LMX1B: variants seen among roughly 807,000 people sequenced by gnomAD.
LMX1B encodes the protein LIM homeobox transcription factor 1-beta.
A neutral mutation model predicts 51.4 loss-of-function variants in LMX1B; 12 were observed. That is an observed-to-expected ratio of 0.23 (90% CI 0.15 to 0.38). LMX1B has a LOEUF of 0.38. Ranked by LOEUF, LMX1B falls within the 10% of genes least tolerant of loss-of-function variation. LMX1B has a pLI of 1.00. For synonymous variants in LMX1B, 237 were observed against 235.4 expected, an observed-to-expected ratio of 1.01 and a Z score of -0.06; for missense variants, 445 against 571.1, an observed-to-expected ratio of 0.78 and a Z score of 2.25.
intron 2 of LMX1B, among the ~76,000 whole-genome samples, chr9:126,619,018 G>C (rs984073670): frequency 3.3e-5 from 5 of 152,034 alleles, no homozygotes; most frequent in Non-Finnish European, 5.9e-5. Context: ...CGAGCCTCTC[G>C]GCGACACAGA....
At chr9:126,642,919 C>T (rs1193601869) in intron 2 of LMX1B, among the ~76,000 whole-genome samples, 1 of 152,150 alleles carries the variant, frequency 6.6e-6, no homozygotes, top group Non-Finnish European at 1.5e-5. Context: ...TTGGCCTCAC[C>T]CTGTGTCTGG....
chr9:126,627,189 C>T (rs999726749), intron 2 of LMX1B, among the ~76,000 whole-genome samples: 1 of 152,140 alleles, frequency 6.6e-6, no homozygotes, highest in Non-Finnish European at 1.5e-5. Context: ...AGAGACCCCC[C>T]GGTCTCCTCC....
intron 2 of LMX1B, among the ~76,000 whole-genome samples, chr9:126,652,300 G>GGC (rs903828019): frequency 1.3e-5 from 2 of 150,524 alleles, no homozygotes; most frequent in African/African-American, 4.9e-5. Flanking sequence ...AGGAGAAGGG[G>GGC]GGGGGGATTT....
At chr9:126,672,875 G>T (rs140335761) in intron 2 of LMX1B, among the ~76,000 whole-genome samples, 1 of 152,230 alleles carries the variant, frequency 6.6e-6, no homozygotes. Context: ...GGCTTTTATC[G>T]CTTGCTGGCC....
At chr9:126,627,116 G>A (rs1411527822) in intron 2 of LMX1B, among the ~76,000 whole-genome samples, 2 of 152,178 alleles carry the variant, frequency 1.3e-5, no homozygotes, top group Non-Finnish European at 2.9e-5. Context: ...ACCTCACTGG[G>A]CTCAGGAGGA....
intron 2 of LMX1B, 76 bp from the exon 3 acceptor site, chr9:126,690,760 G>A (rs994782924): frequency 7.6e-7 from 1 of 1,315,530 alleles, no homozygotes; most frequent in African/African-American, 1.5e-5. Context: ...TGGCAAGAGG[G>A]AGAGGCCCTC....
chr9:126,679,442 T>C (rs1836631904), intron 2 of LMX1B, among the ~76,000 whole-genome samples: 1 of 148,256 alleles, frequency 6.7e-6, no homozygotes, highest in African/African-American at 2.5e-5. Flanking sequence ...GATGGGTAAG[T>C]GGAAGGATAG....
rs1012584803 is a variant in LMX1B at position 126,693,786 on chromosome 9, A to C, written c.860A>C (p.Gln287Pro). ...CGGCGGCACCAGCAGCAGCAGGAGCAGCAGAACTCCCAGCGGCTGGGCCAG... is the reference window on the plus strand; with the variant it reads ...CGGCGGCACCAGCAGCAGCAGGAGCCGCAGAACTCCCAGCGGCTGGGCCAG... ...LARRHQQQQE[Q>P]QNSQRLGQEV... Residue 287 changes from glutamine (Q) to proline (P), a missense_variant, in exon 6 of 8, where the codon CAG (glutamine) becomes CCG (proline). Around this residue, in one of 3 missense-constraint regions of LMX1B, gnomAD observed 162 missense variants for 187.8 expected, o/e 0.86. Coordinates refer to ENST00000373474, the MANE Select transcript of LMX1B (RefSeq NM_001174147.2). The C allele has an allele frequency of 6.9e-7, 1 of 1,445,882 alleles. No homozygotes were observed. Among genetic ancestry groups the C allele is most frequent in the Non-Finnish European group, 9.4e-7 (1 of 1,058,484 alleles). 89.6% of individuals were successfully genotyped at this position (1,445,882 alleles called of 1,614,324 possible). A position where few individuals can be genotyped will look rare whatever the true frequency, so the allele number is the denominator to read the frequency against.
intron 2 of LMX1B, among the ~76,000 whole-genome samples, chr9:126,637,356 C>T (rs763972213): frequency 2.6e-5 from 4 of 152,250 alleles, no homozygotes; most frequent in Middle Eastern, 3.4e-3. Flanking sequence ...TGAGCCTGCA[C>T]GTCACCCTCT....
rs552078912 is a variant in LMX1B, at chr9:126,679,704, G to C, written c.327-11132G>C. 3.9e-5 allele frequency among the ~76,000 whole-genome samples: 6 copies of C among 152,234 alleles called. No individual in the cohort carries two copies. The South Asian group carries it at 1.0e-3, about 26-fold the overall frequency. ...TCGCCCACACTCCAACCTGACCACTGTCTCCAACCTGACCCACTATCTTCC... is the reference window on the plus strand; with the variant it reads ...TCGCCCACACTCCAACCTGACCACTCTCTCCAACCTGACCCACTATCTTCC... On this transcript the variant is annotated intron_variant, in intron 2 of 7. Coordinates refer to ENST00000373474, the MANE Select transcript of LMX1B (RefSeq NM_001174147.2).
At chr9:126,619,327 G>C (rs1008788133) in intron 2 of LMX1B, among the ~76,000 whole-genome samples, 1 of 152,136 alleles carries the variant, frequency 6.6e-6, no homozygotes, top group Non-Finnish European at 1.5e-5. Context: ...TGTGGCCCAG[G>C]GGGAGAGCAG....
At chr9:126,657,603 C>A (rs772649851) in intron 2 of LMX1B, among the ~76,000 whole-genome samples, 16 of 152,238 alleles carry the variant, frequency 1.1e-4, no homozygotes, top group Non-Finnish European at 2.2e-4. Context: ...ATCCTCACCA[C>A]AGAGCCCTTG....
At chr9:126,690,391 CTGGGCAGTGGGT>C in intron 2 of LMX1B, among the ~76,000 whole-genome samples, 1 of 152,086 alleles carries the variant, frequency 6.6e-6, no homozygotes, top group East Asian at 2.0e-4. Flanking sequence ...GGGGCCCAGG[CTGGGCAGTGGGT>C]TGGGCAGGGC....
chr9:126,651,304 G>C (rs1168185584), intron 2 of LMX1B, among the ~76,000 whole-genome samples: 2 of 151,994 alleles, frequency 1.3e-5, no homozygotes, highest in African/African-American at 4.8e-5. Context: ...GACTGGGGGG[G>C]GTGGCTCCAA....
chr9:126,670,997 C>G (rs934494608), intron 2 of LMX1B, among the ~76,000 whole-genome samples: 1 of 152,146 alleles, frequency 6.6e-6, no homozygotes, highest in Non-Finnish European at 1.5e-5. Context: ...TAGCTGCCAC[C>G]ACTGTGGTTG....
rs1386623959 is a variant in LMX1B at position 126,658,832 on chromosome 9, G to GC, written c.327-31999dup. ...GAGACCGGGGGTTCAAATTCAGAAA[G>GC]CCCCCTTGCCTGTATCAGGCCTGGT... On this transcript the variant is annotated intron_variant, in intron 2 of 7. Coordinates refer to ENST00000373474, the MANE Select transcript of LMX1B (RefSeq NM_001174147.2). This position sits in a 1 kb window ranked among gnomAD's most constrained non-coding sequence, Gnocchi z 4.0. Among the ~76,000 whole-genome samples the GC allele has an allele frequency of 6.6e-6, 1 of 152,208 alleles. No homozygotes were observed. Among genetic ancestry groups the GC allele is most frequent in the Non-Finnish European group, 1.5e-5 (1 of 68,040 alleles).
rs1029196003 is a variant in LMX1B, at chr9:126,699,436, T to C, written c.*2985T>C. ...CCAGCCGGGACCCCATGCCAGGAGC[T>C]GGTCTAGGGACAGCATGCTTGTGAC... On this transcript the variant is annotated 3_prime_UTR_variant, in exon 8 of 8. Coordinates refer to ENST00000373474, the MANE Select transcript of LMX1B (RefSeq NM_001174147.2). 6.6e-6 allele frequency: 1 copy of C among 152,234 alleles called. No homozygotes were observed. The highest frequency in any genetic ancestry group is 2.1e-4 in the South Asian group (1 of 4,830). The allele number at this position is 152,234 out of a possible 1,614,324, so 9.4% of individuals were successfully genotyped here.
Position 126,618,297 on chromosome 9 carries a change from CTCT to C in LMX1B, c.326+2734_326+2736del, listed in dbSNP as rs752550440. ...AGAGGTTGCCATTTTTAGTAAATGT[CTCT>C]TCTTCCTTTCGATTTGTTCTCAAAG... On this transcript the variant is annotated intron_variant, in intron 2 of 7. Transcript: ENST00000373474. This position sits in a 1 kb window ranked among gnomAD's most constrained non-coding sequence, Gnocchi z 4.5. Among the ~76,000 whole-genome samples, 8 of 152,176 alleles carry C rather than the reference CTCT, an allele frequency of 5.3e-5. No individual in the cohort carries two copies. The highest frequency in any genetic ancestry group is 1.0e-4 in the Non-Finnish European group (7 of 68,044).
chr9:126,646,919 T>G (rs6478750), intron 2 of LMX1B, among the ~76,000 whole-genome samples: 29 of 152,150 alleles, frequency 1.9e-4, no homozygotes, highest in African/African-American at 6.5e-4. Context: ...CACAATGTGA[T>G]AGGTGCTCTA....
Sources: allele counts gnomAD v4.1 joint callset (sites outside exome capture counted in the v4.1 genomes callset), GRCh38; gene constraint gnomAD v4.1.1; regional missense constraint gnomAD v4.1.1; non-coding constraint Gnocchi (gnomAD v3.1); transcripts MANE v1.5; gene names NCBI Gene and HGNC (gene_info 2026-07-23, HGNC 2026-07-21).